The following EHMT1 variants were observed in gnomAD, a reference collection of about 807,000 sequenced individuals.
EHMT1 encodes histone-lysine N-methyltransferase EHMT1.
EHMT1 carries 15 observed loss-of-function variants against 147.2 expected under a neutral mutation model. The ratio of observed to expected loss-of-function variants is 0.10; its 90% confidence interval spans 0.07 to 0.16. The LOEUF is 0.16. Among genes scored for constraint, EHMT1 ranks in the 10% least tolerant of loss-of-function variants. The probability of loss-of-function intolerance (pLI) is 1.00; values close to 1 mark genes in which losing one functional copy is unlikely to be tolerated. For missense variants in EHMT1, 1,587 were observed against 1,772.4 expected (o/e 0.90, Z 1.88); for synonymous variants, 795 against 709.6 (o/e 1.12, Z -1.91).
At chr9:137,812,541 C>T (rs941055926) in intron 19 of EHMT1, among the ~76,000 whole-genome samples, 3 of 152,190 alleles carry the variant, frequency 2.0e-5, no homozygotes, top group South Asian at 4.1e-4. Flanking sequence ...GTGGATCTCA[C>T]GGTGGCTCAG....
chr9:137,727,187 G>A (rs1946713382), intron 3 of EHMT1, among the ~76,000 whole-genome samples: 1 of 151,972 alleles, frequency 6.6e-6, no homozygotes, highest in Admixed American at 6.5e-5. Flanking sequence ...TTGCTATGTT[G>A]CCCAGACTCA....
At chr9:137,784,060 C>G (rs1248805366) in intron 15 of EHMT1, 1 of 948,386 alleles carries the variant, frequency 1.1e-6, no homozygotes, top group East Asian at 2.6e-5. Context: ...TAAGAGAATA[C>G]TTGAGACCGG....
At chr9:137,771,197 CTT>C (rs1189483493) in intron 10 of EHMT1, among the ~76,000 whole-genome samples, 4,438 of 105,720 alleles carry the variant, frequency 0.042, 60 homozygotes, top group African/African-American at 0.069. Flanking sequence ...TCTTCCATGT[CTT>C]TTTTTTTTTT....
At position 137,786,938 on chromosome 9, in the gene EHMT1, C is replaced by G. The variant is rs997700990; in HGVS notation, c.2383-3910C>G. On this transcript the variant is annotated intron_variant, in intron 15 of 26. Transcript: ENST00000460843. This position sits in a 1 kb window ranked among gnomAD's most constrained non-coding sequence, Gnocchi z 4.3. The stretch of plus-strand genomic sequence containing the variant: ...TCGGTCACGGAGCCTCCTGGGTGTC[C>G]GAGCTGCCTCAAGCGCCCCGGGGTC... The G allele has an allele frequency of 3.3e-5, 5 of 152,402 alleles. No individual in the cohort carries two copies. Among genetic ancestry groups the G allele is most frequent in the Admixed American group, 3.3e-4 (5 of 15,286 alleles). The allele number at this position is 152,402 out of a possible 1,614,324, so 9.4% of individuals were successfully genotyped here.
intron 1 of EHMT1, among the ~76,000 whole-genome samples, chr9:137,643,358 T>G (rs1844637403): frequency 1.3e-5 from 2 of 149,852 alleles, no homozygotes; most frequent in South Asian, 4.3e-4. Context: ...TTTTTTTTTT[T>G]TAGACAGAGT....
chr9:137,717,925 C>G (rs1214775584), intron 3 of EHMT1, among the ~76,000 whole-genome samples: 1 of 152,232 alleles, frequency 6.6e-6, no homozygotes, highest in Non-Finnish European at 1.5e-5. Flanking sequence ...CCGAGGTCTC[C>G]CTCCCAACCC....
At chr9:137,621,591 C>T (rs1462910617) in intron 1 of EHMT1, among the ~76,000 whole-genome samples, 1 of 150,834 alleles carries the variant, frequency 6.6e-6, no homozygotes, top group Non-Finnish European at 1.5e-5. Flanking sequence ...GCAGCCTGGG[C>T]AACGGAGTGA....
At chr9:137,725,104 G>T (rs113926103) in intron 3 of EHMT1, among the ~76,000 whole-genome samples, 26 of 139,022 alleles carry the variant, frequency 1.9e-4, no homozygotes, top group African/African-American at 7.6e-4. Context: ...GGCATTCCTG[G>T]GGCAGGCGTG....
intron 25 of EHMT1, among the ~76,000 whole-genome samples, chr9:137,829,580 T>C (rs908265076): frequency 6.6e-6 from 1 of 152,236 alleles, no homozygotes; most frequent in South Asian, 2.1e-4. Context: ...GTTTCCCCGA[T>C]GTCTTTTCCT....
intron 25 of EHMT1, among the ~76,000 whole-genome samples, chr9:137,821,488 C>T (rs567877317): frequency 1.8e-4 from 27 of 151,968 alleles, no homozygotes; most frequent in African/African-American, 3.6e-4. Flanking sequence ...CTACAATGCC[C>T]GGCTAATTTT....
At chr9:137,648,187 A>G (rs1467185681) in intron 1 of EHMT1, among the ~76,000 whole-genome samples, 1 of 152,198 alleles carries the variant, frequency 6.6e-6, no homozygotes, top group Non-Finnish European at 1.5e-5. Context: ...GAGCCCTTCA[A>G]GCAATATTCT....
intron 1 of EHMT1, among the ~76,000 whole-genome samples, chr9:137,698,473 G>T (rs1030071598): frequency 2.6e-5 from 4 of 152,222 alleles, no homozygotes; most frequent in Admixed American, 1.3e-4. Flanking sequence ...CATTGAAGCT[G>T]CCTAACACCA....
intron 3 of EHMT1, among the ~76,000 whole-genome samples, chr9:137,726,257 C>T (rs1297002958): frequency 6.6e-6 from 1 of 152,230 alleles, no homozygotes; most frequent in Admixed American, 6.5e-5. Flanking sequence ...AGCTCTGTCT[C>T]CTTTAAACAC....
intron 6 of EHMT1, among the ~76,000 whole-genome samples, chr9:137,751,448 GCCCGCAGAGTACA>G (rs1948960662): frequency 6.6e-6 from 1 of 152,186 alleles, no homozygotes; most frequent in African/African-American, 2.4e-5. Context: ...GAGCCATCGA[GCCCGCAGAGTACA>G]CCCTTGATGT....
intron 10 of EHMT1, among the ~76,000 whole-genome samples, chr9:137,770,977 A>G (rs2136538738): frequency 6.6e-6 from 1 of 150,526 alleles, no homozygotes; most frequent in Non-Finnish European, 1.5e-5. Flanking sequence ...CCCATTCCCA[A>G]ACTGATAGAA....
chr9:137,754,584 C>G (rs1372915960), intron 8 of EHMT1, among the ~76,000 whole-genome samples: 1 of 152,186 alleles, frequency 6.6e-6, no homozygotes, highest in Non-Finnish European at 1.5e-5. Context: ...ACGATCTCAG[C>G]TCACTGCAGC....
intron 22 of EHMT1, among the ~76,000 whole-genome samples, chr9:137,815,004 G>A (rs1314390084): frequency 2.6e-5 from 4 of 152,140 alleles, no homozygotes; most frequent in Non-Finnish European, 4.4e-5. Context: ...GGAGACGGGA[G>A]TGGGGAGTAG....
chr9:137,805,843 A>T, intron 18 of EHMT1, among the ~76,000 whole-genome samples: 1 of 151,146 alleles, frequency 6.6e-6, no homozygotes, highest in Non-Finnish European at 1.5e-5. Context: ...TTGTATTTTT[A>T]GTAGAGACGG....
chr9:137,794,026 A>G (rs1028358766), intron 16 of EHMT1, among the ~76,000 whole-genome samples: 7 of 152,240 alleles, frequency 4.6e-5, no homozygotes, highest in Non-Finnish European at 7.3e-5. Flanking sequence ...TATTACCATA[A>G]CAACATTTAA....
Sources: allele counts gnomAD v4.1 joint callset (sites outside exome capture counted in the v4.1 genomes callset), GRCh38; gene constraint gnomAD v4.1.1; non-coding constraint Gnocchi (gnomAD v3.1); transcripts MANE v1.5; gene names NCBI Gene and HGNC (gene_info 2026-07-23, HGNC 2026-07-21).